Variants in PODXL2 observed in about 807,000 individuals in gnomAD.
PODXL2 encodes the protein podocalyxin like 2, also known as podocalyxin-like protein 2.
In PODXL2, 17 loss-of-function variants were observed where a neutral mutation model predicts 53.4. The observed-to-expected ratio is 0.32, with a 90% CI of 0.22 to 0.48. PODXL2 has a LOEUF of 0.48. Ranked by LOEUF, PODXL2 falls within the 20% of genes least tolerant of loss-of-function variation. PODXL2 has a pLI of 0.99. For synonymous variants in PODXL2, 311 were observed against 306.7 expected (o/e 1.01, Z -0.15); for missense variants, 673 against 760.0 (o/e 0.89, Z 1.35).
At chr3:127,664,571 A>C (rs1370785539) in intron 4 of PODXL2, among the ~76,000 whole-genome samples, 4 of 151,962 alleles carry the variant, frequency 2.6e-5, no homozygotes, top group East Asian at 3.9e-4. Flanking sequence ...TTTTTGAGGA[A>C]TCTCCATACT....
At position 127,672,358 on chromosome 3, in the gene PODXL2, G is replaced by T; in HGVS notation, c.1696G>T (p.Glu566Ter). The change falls in exon 8 of 8, where the codon GAG (glutamate) becomes TAG (stop). Residue 566 changes from glutamate (E) to a stop codon, truncating the protein, a stop_gained. Transcript: ENST00000342480. LOFTEE classifies it high-confidence loss of function. ...VASDSQSEMQ[E>*]KHPSLNGGGA... Reference sequence around the variant, plus strand: ...CAGCGACAGCCAGTCGGAGATGCAGGAGAAGCACCCCAGCCTGAACGGCGG... The same window carrying T: ...CAGCGACAGCCAGTCGGAGATGCAGTAGAAGCACCCCAGCCTGAACGGCGG... 6.5e-7 allele frequency: 1 copy of T among 1,549,826 alleles called. No homozygotes were observed. Among genetic ancestry groups the T allele is most frequent in the South Asian group, 1.2e-5 (1 of 84,302 alleles).
At position 127,639,383 on chromosome 3, in the gene PODXL2, T is replaced by A; in HGVS notation, c.209T>A (p.Leu70Gln). The change falls in exon 2 of 8, where the codon CTG becomes CAG. Residue 70 changes from leucine to glutamine, a missense_variant. Physicochemically the swap from Leu to Gln is moderately radical, Grantham distance 113. Transcript: ENST00000342480. ...GAGGAGCCTAGTGAGACCATGGGCCTGGGAGCTGGGCTGGGAGCCCCTGGC... is the reference window on the plus strand; with the variant it reads ...GAGGAGCCTAGTGAGACCATGGGCCAGGGAGCTGGGCTGGGAGCCCCTGGC... Reference protein sequence around the residue: ...DSEEPSETMGLGAGLGAPGSG... With the variant: ...DSEEPSETMGQGAGLGAPGSG... 1 of 1,614,226 alleles carries A rather than the reference T, an allele frequency of 6.2e-7. No individual in the cohort carries two copies. The highest frequency in any genetic ancestry group is 1.3e-5 in the African/African-American group (1 of 75,078).
At chr3:127,650,695 C>T (rs1219965942) in intron 2 of PODXL2, among the ~76,000 whole-genome samples, 2 of 151,982 alleles carry the variant, frequency 1.3e-5, no homozygotes, top group Non-Finnish European at 2.9e-5. Flanking sequence ...CTTGCTCTGT[C>T]GCCCAGGCTG....
intron 6 of PODXL2, among the ~76,000 whole-genome samples, chr3:127,670,335 C>T (rs1168919463): frequency 1.3e-5 from 2 of 152,228 alleles, no homozygotes; most frequent in Non-Finnish European, 2.9e-5. Context: ...TTTCACCACA[C>T]TGCTCTACTG....
chr3:127,630,228 C>A (rs1297534987), intron 1 of PODXL2, among the ~76,000 whole-genome samples: 1 of 152,132 alleles, frequency 6.6e-6, no homozygotes, highest in Non-Finnish European at 1.5e-5. Context: ...AAGGTCATAG[C>A]TGAGCAGCTC....
intron 1 of PODXL2, among the ~76,000 whole-genome samples, chr3:127,637,324 A>G (rs1277376794): frequency 6.6e-6 from 1 of 152,216 alleles, no homozygotes; most frequent in Non-Finnish European, 1.5e-5. Context: ...TCTTATTCAC[A>G]TCAACCTTTT....
chr3:127,639,287 G>T lies in PODXL2; in HGVS notation c.113G>T (p.Gly38Val). Residue 38 changes from glycine (G) to valine (V), a missense_variant, in exon 2 of 8, where the codon GGC (glycine) becomes GTC (valine). By Grantham distance (109) the Gly-to-Val change is moderately radical. This residue lies in a region of PODXL2 where 588 missense variants were observed against 668.3 expected (regional missense o/e 0.88). Coordinates refer to ENST00000342480, the MANE Select transcript of PODXL2 (RefSeq NM_015720.4). ...GACVAGSDEP[G>V]PEGLTSTSLL... is the part of the protein sequence containing the mutation. Reference sequence around the variant, plus strand: ...TGTGTGGCTGGGTCTGATGAGCCTGGCCCAGAGGGCCTCACCTCCACCTCC... The same window carrying T: ...TGTGTGGCTGGGTCTGATGAGCCTGTCCCAGAGGGCCTCACCTCCACCTCC... 1 of 1,612,752 alleles carries T rather than the reference G, an allele frequency of 6.2e-7. No individual in the cohort carries two copies. The highest frequency in any genetic ancestry group is 1.3e-5 in the African/African-American group (1 of 75,010).
chr3:127,651,494 C>G (rs2074688667), intron 2 of PODXL2, among the ~76,000 whole-genome samples: 1 of 152,234 alleles, frequency 6.6e-6, no homozygotes, highest in African/African-American at 2.4e-5. Flanking sequence ...AAGGAACCAT[C>G]ACAGCTGGGT....
At chr3:127,636,233 A>G (rs988856386) in intron 1 of PODXL2, among the ~76,000 whole-genome samples, 15 of 152,172 alleles carry the variant, frequency 9.9e-5, no homozygotes, top group African/African-American at 3.6e-4. Context: ...GAACCTTAAG[A>G]AGGTACTGTT....
At chr3:127,657,113 C>T (rs1434393631) in intron 2 of PODXL2, among the ~76,000 whole-genome samples, 2 of 152,228 alleles carry the variant, frequency 1.3e-5, no homozygotes, top group Non-Finnish European at 2.9e-5. Flanking sequence ...AAGTTAGTGG[C>T]TGAGTCCCAG....
At chr3:127,659,710 A>C (rs2074750449) in intron 2 of PODXL2, among the ~76,000 whole-genome samples, 1 of 152,234 alleles carries the variant, frequency 6.6e-6, no homozygotes, top group Non-Finnish European at 1.5e-5. Flanking sequence ...AATTCCCAAG[A>C]ATGGCAGGGA....
At chr3:127,640,410 AG>A (rs1173369795) in intron 2 of PODXL2, among the ~76,000 whole-genome samples, 1 of 152,236 alleles carries the variant, frequency 6.6e-6, no homozygotes, top group African/African-American at 2.4e-5. Flanking sequence ...AATACAAAGA[AG>A]AAAATAAGGC....
rs1234055301 is a variant in PODXL2, at chr3:127,639,367, A to G, written c.193A>G (p.Ser65Gly). The change falls in exon 2 of 8, where the codon AGT (serine) becomes GGT (glycine). Residue 65 changes from serine to glycine, a missense_variant. Transcript: ENST00000342480. ...GLEPLDSEEP[S>G]ETMGLGAGLG... ...GGAGCCACTGGACTCAGAGGAGCCT[A>G]GTGAGACCATGGGCCTGGGAGCTGG... The G allele has an allele frequency of 2.5e-6, 4 of 1,614,094 alleles. No individual in the cohort carries two copies. The highest frequency in any genetic ancestry group is 3.4e-6 in the Non-Finnish European group (4 of 1,180,020).
intron 5 of PODXL2, 84 bp downstream of exon 5, chr3:127,668,681 C>A (rs1029401177): frequency 1.6e-6 from 2 of 1,288,728 alleles, no homozygotes; most frequent in African/African-American, 3.0e-5. Context: ...AAAGTGCACG[C>A]ATAAGGGCTT....
chr3:127,669,138 C>G lies in PODXL2; in HGVS notation c.1364-3C>G. The stretch of plus-strand genomic sequence containing the variant: ...ACTGATAGTGGTGTTTCTTACCCCC[C>G]AGGGGTGGTGCCCACTCAAGATGTC... On this transcript the variant is annotated splice_polypyrimidine_tract_variant and splice_region_variant and intron_variant, in intron 5 of 7. Coordinates refer to ENST00000342480, the MANE Select transcript of PODXL2 (RefSeq NM_015720.4). 6.2e-7 allele frequency: 1 copy of G among 1,601,738 alleles called. No homozygotes were observed. The highest frequency in any genetic ancestry group is 8.5e-7 in the Non-Finnish European group (1 of 1,173,890).
intron 1 of PODXL2, among the ~76,000 whole-genome samples, chr3:127,630,427 G>A (rs72965770): frequency 2.9e-4 from 44 of 152,300 alleles, no homozygotes; most frequent in African/African-American, 1.0e-3. Flanking sequence ...TGTGCATGTA[G>A]GAGTGTGTAT....
intron 2 of PODXL2, among the ~76,000 whole-genome samples, chr3:127,644,527 T>C (rs546088038): frequency 1.3e-5 from 2 of 151,126 alleles, no homozygotes; most frequent in African/African-American, 4.9e-5. Context: ...GCAGAGAGCA[T>C]TGGCCTCAGG....
chr3:127,659,970 G>A (rs896357715), intron 2 of PODXL2, among the ~76,000 whole-genome samples: 3 of 152,176 alleles, frequency 2.0e-5, no homozygotes, highest in Non-Finnish European at 4.4e-5. Flanking sequence ...CTCTTATAAC[G>A]ACTCACTAGA....
At chr3:127,658,624 A>G (rs2074740881) in intron 2 of PODXL2, among the ~76,000 whole-genome samples, 1 of 152,162 alleles carries the variant, frequency 6.6e-6, no homozygotes, top group Non-Finnish European at 1.5e-5. Context: ...GGCTACTGAT[A>G]TTAATTAGAA....
Sources: allele counts gnomAD v4.1 joint callset (sites outside exome capture counted in the v4.1 genomes callset), GRCh38; gene constraint gnomAD v4.1.1; regional missense constraint gnomAD v4.1.1; transcripts MANE v1.5; gene names NCBI Gene and HGNC (gene_info 2026-07-23, HGNC 2026-07-21).